Variants in LCLAT1 observed in about 807,000 individuals in gnomAD.
The protein encoded by LCLAT1 is 1-AGP acyltransferase 8.
LCLAT1 carries 11 observed loss-of-function variants against 30.7 expected under a neutral mutation model. The observed-to-expected ratio is 0.36, with a 90% CI of 0.23 to 0.59. The LOEUF is 0.59. Among genes scored for constraint, LCLAT1 ranks in the 20% least tolerant of loss-of-function variants. LCLAT1 has a pLI of 0.77. For missense variants in LCLAT1, 402 were observed against 458.6 expected (o/e 0.88, Z 1.13); for synonymous variants, 155 against 151.3 (o/e 1.02, Z -0.18).
In LCLAT1 at chr2:30,643,907, G is replaced by A. The variant is rs149035876; in HGVS notation, c.*3288G>A. 2.0e-5 allele frequency: 3 copies of A among 152,584 alleles called. No individual in the cohort carries two copies. Among genetic ancestry groups the A allele is most frequent in the African/African-American group, 7.2e-5 (3 of 41,436 alleles). 9.5% of individuals were successfully genotyped at this position (152,584 alleles called of 1,614,324 possible). A position where few individuals can be genotyped will look rare whatever the true frequency, so the allele number is the denominator to read the frequency against. ...AGCAGGTAAACACTACTCTAACGTG[G>A]AGAAATGAGCTTCATGCTGAGGTAG... On this transcript the variant is annotated 3_prime_UTR_variant, in exon 6 of 6. Coordinates refer to ENST00000379509, the MANE Select transcript of LCLAT1 (RefSeq NM_001002257.3).
chr2:30,476,741 C>G (rs1212496067), intron 1 of LCLAT1: 1 of 300,892 alleles, frequency 3.3e-6, no homozygotes, highest in African/African-American at 2.2e-5. Flanking sequence ...ACCCCTTCCC[C>G]TGCCCCTGCC....
At chr2:30,591,358 A>G (rs7571421) in intron 5 of LCLAT1, among the ~76,000 whole-genome samples, 13,318 of 152,134 alleles carry the variant, frequency 0.088, 1,077 homozygotes, top group African/African-American at 0.22. Context: ...GTAGTGTTCC[A>G]TACATCACCA....
intron 5 of LCLAT1, among the ~76,000 whole-genome samples, chr2:30,594,167 A>G (rs1316403087): frequency 6.6e-6 from 1 of 151,994 alleles, no homozygotes; most frequent in Admixed American, 6.6e-5. Flanking sequence ...CTTTTAATCT[A>G]TGTTATTTTT....
intron 3 of LCLAT1, among the ~76,000 whole-genome samples, chr2:30,534,514 G>A (rs1364459107): frequency 6.6e-5 from 10 of 152,176 alleles, no homozygotes; most frequent in African/African-American, 1.4e-4. Context: ...TCCTGACCTC[G>A]TAAGCCGCCT....
At chr2:30,533,035 GATTT>G (rs1686054818) in intron 2 of LCLAT1, 77 bp from the exon 3 acceptor site, 3 of 984,694 alleles carry the variant, frequency 3.0e-6, no homozygotes, top group Middle Eastern at 2.2e-4. Flanking sequence ...GAAATCATAA[GATTT>G]ATTTATAGGG....
intron 1 of LCLAT1, among the ~76,000 whole-genome samples, chr2:30,509,218 G>A (rs1343284261): frequency 2.6e-5 from 4 of 152,152 alleles, no homozygotes; most frequent in African/African-American, 9.7e-5. Context: ...TGCAAACAGG[G>A]ATAGTTTGAC....
intron 1 of LCLAT1, chr2:30,459,843 A>G (rs527623711): frequency 1.4e-5 from 9 of 665,768 alleles, no homozygotes; most frequent in Admixed American, 2.8e-5. Flanking sequence ...GACATGTTCT[A>G]TGCTTGTTCT....
intron 3 of LCLAT1, among the ~76,000 whole-genome samples, chr2:30,546,191 T>C (rs1229382857): frequency 6.6e-6 from 1 of 152,172 alleles, no homozygotes; most frequent in Non-Finnish European, 1.5e-5. Flanking sequence ...ATACGAAGAC[T>C]GTTATTGGAT....
rs75342476 is a variant in LCLAT1, at chr2:30,571,141, C to T, written c.628+2965C>T. ...AGTTTATATTTCAATCCATACTTAG[C>T]TCATATGCTTAAATTCTGAATATAA... On this transcript the variant is annotated intron_variant, in intron 5 of 5. Transcript: ENST00000379509. 2.6e-4 allele frequency among the ~76,000 whole-genome samples: 40 copies of T among 152,268 alleles called. 1 individual carries two copies. The East Asian group carries it at 7.5e-3, about 29-fold the overall frequency.
intron 1 of LCLAT1, among the ~76,000 whole-genome samples, chr2:30,505,609 C>A (rs1212129365): frequency 6.6e-6 from 1 of 151,978 alleles, no homozygotes; most frequent in Non-Finnish European, 1.5e-5. Flanking sequence ...AGTGAATGCA[C>A]CCTGTGTAAC....
chr2:30,473,335 G>C (rs1351761238), intron 1 of LCLAT1, among the ~76,000 whole-genome samples: 1 of 152,232 alleles, frequency 6.6e-6, no homozygotes, highest in Non-Finnish European at 1.5e-5. Flanking sequence ...AAAGGAATCT[G>C]AATCTATTAC....
At chr2:30,611,387 C>G (rs1305019262) in intron 5 of LCLAT1, among the ~76,000 whole-genome samples, 2 of 152,064 alleles carry the variant, frequency 1.3e-5, no homozygotes, top group South Asian at 4.1e-4. Context: ...TGTGTATACA[C>G]TCACACTTTC....
At chr2:30,577,274 C>T (rs1007923963) in intron 5 of LCLAT1, among the ~76,000 whole-genome samples, 3 of 151,936 alleles carry the variant, frequency 2.0e-5, no homozygotes, top group African/African-American at 4.8e-5. Context: ...AAGTGTAAGA[C>T]GTTGAAAGAA....
At chr2:30,515,899 C>T (rs1685157099) in intron 1 of LCLAT1, among the ~76,000 whole-genome samples, 2 of 152,144 alleles carry the variant, frequency 1.3e-5, no homozygotes, top group African/African-American at 4.8e-5. Flanking sequence ...CATTCCTTGC[C>T]CTTCCCCAAG....
chr2:30,506,982 G>A (rs1684695143), intron 1 of LCLAT1, among the ~76,000 whole-genome samples: 2 of 152,122 alleles, frequency 1.3e-5, no homozygotes, highest in African/African-American at 2.4e-5. Flanking sequence ...CCTTCAGATT[G>A]CAGAATAATC....
At chr2:30,571,681 G>A (rs1313601175) in intron 5 of LCLAT1, among the ~76,000 whole-genome samples, 2 of 152,160 alleles carry the variant, frequency 1.3e-5, no homozygotes, top group Non-Finnish European at 2.9e-5. Flanking sequence ...AAGAAAGACA[G>A]ACAAATTACT....
intron 3 of LCLAT1, among the ~76,000 whole-genome samples, chr2:30,556,891 T>C (rs1664945742): frequency 6.6e-6 from 1 of 152,034 alleles, no homozygotes; most frequent in Non-Finnish European, 1.5e-5. Flanking sequence ...ATTACAGGCG[T>C]GCCCCACCAC....
At chr2:30,469,802 C>T (rs1226927148) in intron 1 of LCLAT1, among the ~76,000 whole-genome samples, 1 of 151,856 alleles carries the variant, frequency 6.6e-6, no homozygotes, top group Non-Finnish European at 1.5e-5. Flanking sequence ...TAGTAGAGAG[C>T]CAGGATGGTC....
At chr2:30,452,661 G>A (rs1681617201) in intron 1 of LCLAT1, among the ~76,000 whole-genome samples, 1 of 152,082 alleles carries the variant, frequency 6.6e-6, no homozygotes, top group African/African-American at 2.4e-5. Flanking sequence ...TCATCATTAT[G>A]AAATATGGTC....
Sources: gnomAD v4.1 joint callset for allele counts (sites outside exome capture counted in the v4.1 genomes callset) on GRCh38, gnomAD v4.1.1 for gene constraint, MANE v1.5 for transcripts, NCBI Gene and HGNC (gene_info 2026-07-23, HGNC 2026-07-21) for gene names.